ZNF91: variants seen among roughly 807,000 people sequenced by gnomAD.
ZNF91 encodes the protein zinc finger protein 91.
In ZNF91, 7 loss-of-function variants were observed where a neutral mutation model predicts 12.6. That is an observed-to-expected ratio of 0.55 (90% CI 0.31 to 1.04). ZNF91 has a LOEUF of 1.04. ZNF91 is among the 50% of genes least tolerant of loss of function. ZNF91 has a pLI of 0.05. For synonymous variants in ZNF91, 453 were observed against 462.6 expected (o/e 0.98, Z 0.27); for missense variants, 1,217 against 1,385.4 (o/e 0.88, Z 1.93).
intron 3 of ZNF91, among the ~76,000 whole-genome samples, chr19:23,366,618 C>T (rs570454249): frequency 9.2e-5 from 14 of 152,268 alleles, no homozygotes; most frequent in South Asian, 6.2e-4. Flanking sequence ...CTTACAATCA[C>T]GGTTGAAGGC....
intron 3 of ZNF91, among the ~76,000 whole-genome samples, chr19:23,369,233 C>A (rs926033541): frequency 1.3e-5 from 2 of 152,036 alleles, no homozygotes; most frequent in East Asian, 3.9e-4. Context: ...TCGCTTGAAC[C>A]CAGGAGGCAG....
At position 23,366,305 on chromosome 19, in the gene ZNF91, T is replaced by G. The variant is rs550279206; in HGVS notation, c.254-3580A>C. ...GGCCTGGCGGGGGGCTGACCAGAAG[T>G]CTTTACTATCATAATGATGATGCTT... is the stretch of plus-strand genomic sequence containing the variant. On this transcript the variant is annotated intron_variant, in intron 3 of 3. Coordinates refer to ENST00000300619, the MANE Select transcript of ZNF91 (RefSeq NM_003430.4). Among the ~76,000 whole-genome samples, 124 of 152,274 alleles carry G rather than the reference T, an allele frequency of 8.1e-4. 1 individual carries two copies. Among genetic ancestry groups the G allele is most frequent in the African/African-American group, 2.8e-3 (115 of 41,558 alleles).
chr19:23,319,700 A>G (rs181462941), intron 1 of ZNF91, among the ~76,000 whole-genome samples: 24 of 152,318 alleles, frequency 1.6e-4, no homozygotes, highest in Admixed American at 5.2e-4. Flanking sequence ...AGTCTTGAAT[A>G]CGTAGATCAT....
rs140267492 is a variant in ZNF91, at chr19:23,395,401, C to A, written c.-47G>T. The A allele has an allele frequency of 3.7e-6, 6 of 1,607,860 alleles. No individual in the cohort carries two copies. Among genetic ancestry groups the A allele is most frequent in the African/African-American group, 1.3e-5 (1 of 74,634 alleles). On this transcript the variant is annotated 5_prime_UTR_variant, in exon 1 of 4. Coordinates refer to ENST00000300619, the MANE Select transcript of ZNF91 (RefSeq NM_003430.4). ...CCTGCAGGTCACAGGGCCACACAGG[C>A]TGGGCCTCCTGGAGCAGAGGACACA... is the stretch of plus-strand genomic sequence containing the variant.
chr19:23,376,221 C>A (rs1250835938), intron 1 of ZNF91, among the ~76,000 whole-genome samples: 1 of 152,142 alleles, frequency 6.6e-6, no homozygotes, highest in Non-Finnish European at 1.5e-5. Context: ...AGATTATCCA[C>A]ACCTTTCCAT....
rs150791655 is a variant in ZNF91, at chr19:23,346,676, A to G, written c.254-7622T>C. 6.8e-4 allele frequency among the ~76,000 whole-genome samples: 103 copies of G among 152,270 alleles called. No individual in the cohort carries two copies. In the East Asian group the frequency reaches 0.014, roughly 21 times the overall value. On this transcript the variant is annotated intron_variant, in intron 3 of 3. Coordinates refer to the ZNF91 transcript ENST00000599743. ...ACCTAGTATAAGGGACCCACCCTCC[A>G]GGTTTTTGCCTACCTCTCTAAACTG...
At chr19:23,311,895 C>G (rs1240110919), upstream of ZNF91, among the ~76,000 whole-genome samples, 2 of 138,622 alleles carry the variant, frequency 1.4e-5, no homozygotes, top group Non-Finnish European at 3.0e-5. Flanking sequence ...TCTGCCTAGG[C>G]CATGCCAAAA....
intron 2 of ZNF91, chr19:23,307,971 C>T (rs1303976330): frequency 1.3e-5 from 2 of 152,212 alleles, no homozygotes; most frequent in Admixed American, 6.5e-5. Context: ...GTGACTCTCC[C>T]GCATGGGTCC....
chr19:23,356,338 AATAT>A (rs1164910096), downstream of ZNF91, among the ~76,000 whole-genome samples: 1 of 151,302 alleles, frequency 6.6e-6, no homozygotes, highest in Non-Finnish European at 1.5e-5. Context: ...TATATATATA[AATAT>A]ATAAACACTT....
rs1375570283 is a variant in ZNF91, at chr19:23,361,920, T to C, written c.1059A>G (p.Lys353=). 1 of 1,613,688 alleles carries C rather than the reference T, an allele frequency of 6.2e-7. No individual in the cohort carries two copies. The highest frequency in any genetic ancestry group is 1.1e-5 in the South Asian group (1 of 91,072). ...AATTGCTAAAAGCTTTGCCACATTC[T>C]TTACATTTGTAGGGTTTCTCTCCAG... The part of the protein sequence containing the change: ...IHTGEKPYKC[K]ECGKAFSNSS... The change falls in exon 4 of 4, where the codon AAA becomes AAG. Residue 353 remains lysine (K), a synonymous_variant. Coordinates refer to ENST00000300619, the MANE Select transcript of ZNF91 (RefSeq NM_003430.4).
chr19:23,360,370 G>T lies in ZNF91; in HGVS notation c.2609C>A (p.Thr870Lys). The T allele has an allele frequency of 1.2e-6, 2 of 1,613,988 alleles. No individual in the cohort carries two copies. Among genetic ancestry groups the T allele is most frequent in the South Asian group, 1.1e-5 (1 of 91,078 alleles). The change falls in exon 4 of 4, where the codon ACG becomes AAG. Residue 870 changes from threonine (T) to lysine (K), a missense_variant. Physicochemically the swap from Thr to Lys is moderately conservative, Grantham distance 78 (BLOSUM62 -1). This residue lies in a region of ZNF91 where 491 missense variants were observed against 489.8 expected (regional missense o/e 1.00). Coordinates refer to ENST00000300619, the MANE Select transcript of ZNF91 (RefSeq NM_003430.4). ...TTTAGTATGAATTATCTTATGTGTCGTAAGATTTGAAGATTGATTAAAAGC... is the reference window on the plus strand; with the variant it reads ...TTTAGTATGAATTATCTTATGTGTCTTAAGATTTGAAGATTGATTAAAAGC... ...GKAFNQSSNL[T>K]THKIIHTKEK...
chr19:23,318,116 C>A (rs575591274), intron 1 of ZNF91, among the ~76,000 whole-genome samples: 1 of 152,276 alleles, frequency 6.6e-6, no homozygotes, highest in East Asian at 1.9e-4. Flanking sequence ...GTCACTAGGC[C>A]TTATATTCAG....
Position 23,360,647 on chromosome 19 carries a change from C to G in ZNF91, c.2332G>C (p.Ala778Pro), listed in dbSNP as rs758969435. The change falls in exon 4 of 4, where the codon GCA (alanine) becomes CCA (proline). Residue 778 changes from alanine (A) to proline (P), a missense_variant. Around this residue, in one of 2 missense-constraint regions of ZNF91, gnomAD observed 491 missense variants for 489.8 expected, o/e 1.00. Coordinates refer to ENST00000300619, the MANE Select transcript of ZNF91 (RefSeq NM_003430.4). ...KPFKCKECGKAFIWSSTLTRH... is the reference protein window; with the variant it reads ...KPFKCKECGKPFIWSSTLTRH... Reference sequence around the variant, plus strand: ...GTTAGGGTTGAAGACCATATAAATGCTTTGCCACATTCTTTACATTTGAAG... The same window carrying G: ...GTTAGGGTTGAAGACCATATAAATGGTTTGCCACATTCTTTACATTTGAAG... 1 of 1,613,702 alleles carries G rather than the reference C, an allele frequency of 6.2e-7. No individual in the cohort carries two copies. Among genetic ancestry groups the G allele is most frequent in the East Asian group, 2.2e-5 (1 of 44,794 alleles).
downstream of ZNF91, among the ~76,000 whole-genome samples, chr19:23,355,421 C>A (rs1021711895): frequency 7.9e-5 from 12 of 152,096 alleles, no homozygotes; most frequent in African/African-American, 2.7e-4. Context: ...AAACTGGATC[C>A]TCATCTCTCA....
chr19:23,356,306 G>A (rs1968484593), downstream of ZNF91, among the ~76,000 whole-genome samples: 2 of 151,824 alleles, frequency 1.3e-5, no homozygotes, highest in South Asian at 4.1e-4. Flanking sequence ...AAGAATCTGT[G>A]AAATATATAT....
At chr19:23,344,877 G>C (rs1347000889) in intron 3 of ZNF91, among the ~76,000 whole-genome samples, 3 of 152,218 alleles carry the variant, frequency 2.0e-5, no homozygotes, top group Non-Finnish European at 4.4e-5. Context: ...CATACCCCCT[G>C]AAGATCCAGA....
Position 23,362,307 on chromosome 19 carries a change from G to A in ZNF91, c.672C>T (p.Thr224=), listed in dbSNP as rs867414952. The A allele has an allele frequency of 1.2e-6, 2 of 1,613,640 alleles. No individual in the cohort carries two copies. The highest frequency in any genetic ancestry group is 1.3e-5 in the African/African-American group (1 of 74,868). ...TATGAATTTCCTTATGATTAGTAAG[G>A]GTTGAGGACCAATGAAAGGTTTTTT... The part of the protein sequence containing the change: ...ECEKTFHWSS[T]LTNHKEIHTE... The change falls in exon 4 of 4, where the codon ACC becomes ACT. Residue 224 remains threonine, a synonymous_variant. Transcript: ENST00000300619.
At chr19:23,392,809 C>T (rs186906900) in intron 1 of ZNF91, among the ~76,000 whole-genome samples, 12 of 91,932 alleles carry the variant, frequency 1.3e-4, no homozygotes, top group African/African-American at 7.2e-4. Flanking sequence ...ATAAATAAGA[C>T]AAAAAAAAAC....
chr19:23,379,738 A>C (rs1169862084), intron 1 of ZNF91, among the ~76,000 whole-genome samples: 1 of 151,084 alleles, frequency 6.6e-6, no homozygotes, highest in African/African-American at 2.5e-5. Flanking sequence ...AAAGTGGTTG[A>C]ATAGGGTGCT....
Sources: gnomAD v4.1 joint callset for allele counts (sites outside exome capture counted in the v4.1 genomes callset) on GRCh38, gnomAD v4.1.1 for gene constraint, gnomAD v4.1.1 regional missense constraint, MANE v1.5 for transcripts, NCBI Gene and HGNC (gene_info 2026-07-23, HGNC 2026-07-21) for gene names.